Variants in FRMD6 observed in about 807,000 individuals in gnomAD.
FRMD6 encodes the protein FERM domain-containing protein 6.
A neutral mutation model predicts 73.2 loss-of-function variants in FRMD6; 37 were observed. That is an observed-to-expected ratio of 0.51 (90% CI 0.39 to 0.66). The LOEUF (loss-of-function observed/expected upper bound fraction) is 0.66. FRMD6 is among the 30% of genes least tolerant of loss of function. FRMD6 has a pLI of 0.00. For synonymous variants in FRMD6, 273 were observed against 282.2 expected (o/e 0.97, Z 0.33); for missense variants, 714 against 780.5 (o/e 0.91, Z 1.02).
the FRMD6 span, among the ~76,000 whole-genome samples, chr14:51,450,560 T>A: frequency 6.6e-6 from 1 of 152,184 alleles, no homozygotes; most frequent in Non-Finnish European, 1.5e-5. Flanking sequence ...AGATGTGGGC[T>A]AAGATGGTAA....
chr14:51,502,242 C>G (rs1380096664), intron 1 of FRMD6, among the ~76,000 whole-genome samples: 2 of 152,154 alleles, frequency 1.3e-5, no homozygotes, highest in African/African-American at 2.4e-5. Flanking sequence ...GTTGCAATTG[C>G]TTTTGGCATT....
chr14:51,660,397 A>G (rs964823028), intron 1 of FRMD6, among the ~76,000 whole-genome samples: 2 of 152,172 alleles, frequency 1.3e-5, no homozygotes, highest in African/African-American at 4.8e-5. Flanking sequence ...TGGTTAGTGA[A>G]GTCAGGCTAA....
intron 1 of FRMD6, among the ~76,000 whole-genome samples, chr14:51,525,481 C>T (rs1042996075): frequency 1.3e-5 from 2 of 151,996 alleles, no homozygotes; most frequent in Non-Finnish European, 2.9e-5. Flanking sequence ...GTTGGCCAGG[C>T]TGGTCTTGAT....
chr14:51,404,107 T>G, the FRMD6 span, among the ~76,000 whole-genome samples: 1 of 152,202 alleles, frequency 6.6e-6, no homozygotes, highest in Non-Finnish European at 1.5e-5. Flanking sequence ...ATTTTTAATT[T>G]TTGCTTTTCT....
intron 5 of FRMD6, among the ~76,000 whole-genome samples, chr14:51,704,072 GA>G (rs1566580296): frequency 6.6e-6 from 1 of 151,970 alleles, no homozygotes; most frequent in African/African-American, 2.4e-5. Context: ...CTTTTGTGGG[GA>G]GTATAATAAT....
chr14:51,498,613 C>G (rs183570962), intron 1 of FRMD6, among the ~76,000 whole-genome samples: 19 of 152,324 alleles, frequency 1.2e-4, no homozygotes, highest in Admixed American at 2.6e-4. Context: ...GGGCCTCTCT[C>G]TGTCCATCTG....
At chr14:51,538,363 C>T (rs1314976127) in intron 1 of FRMD6, among the ~76,000 whole-genome samples, 2 of 151,632 alleles carry the variant, frequency 1.3e-5, no homozygotes, top group Admixed American at 6.6e-5. Context: ...TTTACTTTTT[C>T]GGTGGTGTAC....
intron 2 of FRMD6, among the ~76,000 whole-genome samples, chr14:51,634,833 T>A (rs1038597752): frequency 2.6e-5 from 4 of 152,196 alleles, no homozygotes; most frequent in African/African-American, 9.7e-5. Flanking sequence ...AAGCTTCAGT[T>A]TTTTCATCTA....
intron 2 of FRMD6, among the ~76,000 whole-genome samples, chr14:51,626,105 T>A (rs1354742571): frequency 1.3e-5 from 2 of 152,196 alleles, no homozygotes; most frequent in Non-Finnish European, 2.9e-5. Flanking sequence ...GAATTTTCTA[T>A]GAAGGTGGTA....
chr14:51,536,078 T>TTATA (rs202244593), intron 1 of FRMD6, among the ~76,000 whole-genome samples: 2 of 139,678 alleles, frequency 1.4e-5, no homozygotes, highest in East Asian at 4.1e-4. Context: ...TATATATATT[T>TTATA]TATATATATA....
At chr14:51,416,274 T>A in the FRMD6 span, among the ~76,000 whole-genome samples, 2 of 152,256 alleles carry the variant, frequency 1.3e-5, no homozygotes, top group African/African-American at 4.8e-5. Context: ...TTTCCTGCTT[T>A]CTTTTGTGGG....
chr14:51,703,699 T>G (rs955603427), intron 5 of FRMD6, among the ~76,000 whole-genome samples: 1 of 152,048 alleles, frequency 6.6e-6, no homozygotes, highest in African/African-American at 2.4e-5. Flanking sequence ...TAAACAAAAG[T>G]GCTCTGAAAA....
chr14:51,651,800 G>A (rs1231708660), upstream of FRMD6: 10 of 133,074 alleles, frequency 7.5e-5, no homozygotes, highest in African/African-American at 2.7e-4. Flanking sequence ...CGGGTCGGGG[G>A]CGGGGTCTCA....
the FRMD6 span, among the ~76,000 whole-genome samples, chr14:51,445,241 G>A: frequency 3.7e-4 from 57 of 152,248 alleles, 1 homozygote; most frequent in Middle Eastern, 0.01. Context: ...TAGGGGCTGC[G>A]ACTGGGCCCC....
At chr14:51,591,294 C>CA (rs140368702) in intron 2 of FRMD6, among the ~76,000 whole-genome samples, 10,868 of 150,940 alleles carry the variant, frequency 0.072, 607 homozygotes, top group African/African-American at 0.15. Flanking sequence ...ACAAAACAAA[C>CA]AAAAAAAAAC....
upstream of FRMD6, among the ~76,000 whole-genome samples, chr14:51,484,743 C>A (rs373574298): frequency 6.6e-6 from 1 of 152,328 alleles, no homozygotes; most frequent in Admixed American, 6.5e-5. Context: ...AGCTTTCCGG[C>A]CTGTGAACCA....
intron 1 of FRMD6, among the ~76,000 whole-genome samples, chr14:51,657,800 A>G (rs1223422733): frequency 2.0e-5 from 3 of 152,206 alleles, no homozygotes; most frequent in Non-Finnish European, 4.4e-5. Context: ...CTGTATCCTA[A>G]GGATATAGTT....
intron 1 of FRMD6, 80 bp from the exon 2 acceptor site, chr14:51,689,611 T>C: frequency 3.7e-6 from 2 of 545,674 alleles, no homozygotes; most frequent in Middle Eastern, 4.9e-4. Context: ...ATAGTAGTGG[T>C]GCTGTGCTTA....
chr14:51,519,788 T>C (rs1884841386), intron 1 of FRMD6, among the ~76,000 whole-genome samples: 1 of 152,176 alleles, frequency 6.6e-6, no homozygotes, highest in African/African-American at 2.4e-5. Context: ...AGACTCCTGG[T>C]AGCACAAAAT....
Sources: allele counts gnomAD v4.1 joint callset (sites outside exome capture counted in the v4.1 genomes callset), GRCh38; gene constraint gnomAD v4.1.1; transcripts MANE v1.5; gene names NCBI Gene and HGNC (gene_info 2026-07-23, HGNC 2026-07-21).